The following RBFOX1 variants were observed in gnomAD, a reference collection of about 807,000 sequenced individuals.
RBFOX1 encodes RNA binding fox-1 homolog 1, also known as RNA binding protein fox-1 homolog 1.
In RBFOX1, 8 loss-of-function variants were observed where a neutral mutation model predicts 57.7. The ratio of observed to expected loss-of-function variants is 0.14; its 90% CI spans 0.08 to 0.25. The LOEUF (loss-of-function observed/expected upper bound fraction) is 0.25. Ranked by LOEUF, RBFOX1 falls within the 10% of genes least tolerant of loss-of-function variation. RBFOX1 has a pLI of 1.00. For missense variants in RBFOX1, 611 were observed against 548.5 expected (o/e 1.11, Z -1.14); for synonymous variants, 326 against 222.4 (o/e 1.47, Z -4.15).
chr16:6,344,325 A>G (rs554660413), intron 2 of RBFOX1, among the ~76,000 whole-genome samples: 3 of 151,972 alleles, frequency 2.0e-5, no homozygotes, highest in Non-Finnish European at 2.9e-5. Flanking sequence ...TGCTGCAATT[A>G]CAAGCATGAG....
At chr16:5,418,664 C>T (rs1285145299) in intron 1 of RBFOX1, among the ~76,000 whole-genome samples, 9 of 152,122 alleles carry the variant, frequency 5.9e-5, no homozygotes, top group Non-Finnish European at 1.3e-4. Flanking sequence ...TCCTCTCTCC[C>T]TTCCCCCTTC....
chr16:6,112,144 A>G (rs544392952), intron 1 of RBFOX1, among the ~76,000 whole-genome samples: 1 of 152,216 alleles, frequency 6.6e-6, no homozygotes, highest in Non-Finnish European at 1.5e-5. Flanking sequence ...AGCTGGAGCC[A>G]ATTAACCATT....
intron 3 of RBFOX1, among the ~76,000 whole-genome samples, chr16:6,811,949 G>A (rs1818146052): frequency 6.6e-6 from 1 of 152,086 alleles, no homozygotes; most frequent in Admixed American, 6.6e-5. Context: ...GAAATAAGTT[G>A]CAGACTGGAA....
intron 3 of RBFOX1, among the ~76,000 whole-genome samples, chr16:6,861,480 A>T (rs1237588550): frequency 8.0e-6 from 1 of 124,508 alleles, no homozygotes; most frequent in Non-Finnish European, 1.8e-5. Flanking sequence ...TTCCCCTCCC[A>T]ACCCCCTCCC....
intron 3 of RBFOX1, among the ~76,000 whole-genome samples, chr16:5,649,007 T>G (rs1476168466): frequency 6.6e-6 from 1 of 151,716 alleles, no homozygotes; most frequent in Non-Finnish European, 1.5e-5. Context: ...GAGGTTGCAG[T>G]AAGTAGAGAT....
chr16:7,185,620 A>C (rs1198974621), intron 4 of RBFOX1, among the ~76,000 whole-genome samples: 1 of 152,220 alleles, frequency 6.6e-6, no homozygotes, highest in Non-Finnish European at 1.5e-5. Flanking sequence ...CATCTGGACT[A>C]ATATTTGTGT....
chr16:7,709,181 T>A, intron 15 of RBFOX1, 50 bp downstream of exon 15: 1 of 1,521,180 alleles, frequency 6.6e-7, no homozygotes, highest in Non-Finnish European at 9.1e-7. Context: ...TCCCTTCCCT[T>A]TCCCCAGCTG....
intron 5 of RBFOX1, among the ~76,000 whole-genome samples, chr16:7,571,243 C>T (rs896153358): frequency 1.3e-5 from 2 of 152,130 alleles, no homozygotes; most frequent in Non-Finnish European, 2.9e-5. Flanking sequence ...TGCTTCTGTA[C>T]CCACTTACCT....
chr16:6,265,011 G>T (rs575502432), intron 1 of RBFOX1, among the ~76,000 whole-genome samples: 1 of 152,044 alleles, frequency 6.6e-6, no homozygotes. Flanking sequence ...CTCCCATGCC[G>T]CATCACCCTA....
intron 1 of RBFOX1, among the ~76,000 whole-genome samples, chr16:6,140,725 G>A (rs2096709250): frequency 6.6e-6 from 1 of 152,146 alleles, no homozygotes; most frequent in Non-Finnish European, 1.5e-5. Flanking sequence ...CCTTCTAGTA[G>A]ATCTTCCCTT....
At chr16:7,570,653 C>G (rs1471794563) in intron 5 of RBFOX1, among the ~76,000 whole-genome samples, 2 of 152,166 alleles carry the variant, frequency 1.3e-5, no homozygotes, top group Non-Finnish European at 2.9e-5. Context: ...TGTACATTAG[C>G]TCAACCATTG....
chr16:6,078,003 G>A (rs918855884), intron 1 of RBFOX1, among the ~76,000 whole-genome samples: 1 of 152,246 alleles, frequency 6.6e-6, no homozygotes, highest in Non-Finnish European at 1.5e-5. Context: ...CCGGGTAGAT[G>A]TATCTGAATC....
intron 4 of RBFOX1, among the ~76,000 whole-genome samples, chr16:7,342,601 T>C (rs975462493): frequency 1.6e-4 from 24 of 152,340 alleles, no homozygotes; most frequent in Admixed American, 1.3e-3. Context: ...TACACTTCTC[T>C]GCTCCCATTC....
intron 2 of RBFOX1, among the ~76,000 whole-genome samples, chr16:6,511,501 T>C (rs900801648): frequency 2.0e-5 from 3 of 152,172 alleles, no homozygotes; most frequent in Admixed American, 6.5e-5. Flanking sequence ...AAAATTAGTT[T>C]TCATGTCTGC....
At chr16:6,604,327 G>A (rs960479166) in intron 2 of RBFOX1, among the ~76,000 whole-genome samples, 2 of 152,114 alleles carry the variant, frequency 1.3e-5, no homozygotes, top group African/African-American at 4.8e-5. Context: ...CATGATAACA[G>A]CATTTTCTTA....
intron 2 of RBFOX1, among the ~76,000 whole-genome samples, chr16:6,462,412 C>G (rs1194121790): frequency 6.6e-6 from 1 of 152,156 alleles, no homozygotes; most frequent in African/African-American, 2.4e-5. Flanking sequence ...TCCACACATG[C>G]CAATTATTAA....
At chr16:7,407,539 G>T (rs1481610286) in intron 4 of RBFOX1, among the ~76,000 whole-genome samples, 1 of 152,102 alleles carries the variant, frequency 6.6e-6, no homozygotes, top group Non-Finnish European at 1.5e-5. Flanking sequence ...CTGGTAAGTG[G>T]GGTGGTAGGG....
At chr16:6,668,280 G>C (rs1172290643) in intron 3 of RBFOX1, among the ~76,000 whole-genome samples, 3 of 152,190 alleles carry the variant, frequency 2.0e-5, no homozygotes, top group Non-Finnish European at 4.4e-5. Context: ...GGTTCTCCCA[G>C]AAAGAGTGCA....
chr16:6,281,555 C>A (rs1172237008), intron 1 of RBFOX1, among the ~76,000 whole-genome samples: 2 of 151,962 alleles, frequency 1.3e-5, no homozygotes, highest in Non-Finnish European at 2.9e-5. Flanking sequence ...GAGGAAGAGA[C>A]TTCAGGGTAA....
Sources: gnomAD v4.1 joint callset for allele counts (sites outside exome capture counted in the v4.1 genomes callset) on GRCh38, gnomAD v4.1.1 for gene constraint, MANE v1.5 for transcripts, NCBI Gene and HGNC (gene_info 2026-07-23, HGNC 2026-07-21) for gene names.